The following CEP89 variants were observed in gnomAD, a reference collection of about 807,000 sequenced individuals.
CEP89 encodes centrosomal protein 89.
Under a neutral mutation model 97.6 loss-of-function variants are expected in CEP89, and 95 were observed. The observed-to-expected ratio is 0.97, with a 90% CI of 0.82 to 1.15. The LOEUF (loss-of-function observed/expected upper bound fraction) is 1.15. Ranked by LOEUF, CEP89 falls within the 50% of genes most tolerant of loss-of-function variation. The pLI is 0.00. For missense variants in CEP89, 869 were observed against 947.7 expected (o/e 0.92, Z 1.09); for synonymous variants, 354 against 349.1 (o/e 1.01, Z -0.16).
chr19:32,904,028 C>T (rs1969838088), intron 14 of CEP89, among the ~76,000 whole-genome samples: 1 of 152,156 alleles, frequency 6.6e-6, no homozygotes, highest in Non-Finnish European at 1.5e-5. Flanking sequence ...GGAGCAGTGG[C>T]ACATGCCTGT....
rs34626245 is a variant in CEP89 at position 32,881,908 on chromosome 19, G to A, written c.2071C>T (p.Arg691Trp). 98,014 of 1,604,792 alleles carry A rather than the reference G, an allele frequency of 0.061. 3,689 individuals are homozygous for A. Among genetic ancestry groups the A allele is most frequent in the South Asian group, 0.14 (12,878 of 89,748 alleles). ...GKTAQYRQEM[R>W]HLHQVLKDKQ... The stretch of plus-strand genomic sequence containing the variant: ...TCCTTCAGCACCTGGTGCAGGTGCC[G>A]CATCTCCTGCCGGTACTGGGCTGTC... Residue 691 changes from arginine (R) to tryptophan (W), a missense_variant, in exon 18 of 19, where the codon CGG becomes TGG. Physicochemically the swap from Arg to Trp is moderately radical, Grantham distance 101. Transcript: ENST00000305768.
chr19:32,915,292 C>T (rs193268182), intron 14 of CEP89, 45 bp downstream of exon 14: 15,787 of 1,494,566 alleles, frequency 0.011, 166 homozygotes, highest in Non-Finnish European at 0.012. Context: ...GACCCTGTCT[C>T]GAAAAAAGAA....
At chr19:32,913,305 ATT>A (rs869246232) in intron 14 of CEP89, among the ~76,000 whole-genome samples, 1,532 of 6,638 alleles carry the variant, frequency 0.23, 28 homozygotes, top group African/African-American at 0.43. Flanking sequence ...ATATATATAT[ATT>A]TTTTTGTTGT....
chr19:32,924,394 G>A (rs952888229), intron 11 of CEP89, among the ~76,000 whole-genome samples: 1 of 152,142 alleles, frequency 6.6e-6, no homozygotes, highest in African/African-American at 2.4e-5. Context: ...GAGGTCTGTC[G>A]CTGGGCCGGT....
chr19:32,905,430 T>A (rs568070611), intron 14 of CEP89, among the ~76,000 whole-genome samples: 1 of 152,294 alleles, frequency 6.6e-6, no homozygotes, highest in African/African-American at 2.4e-5. Context: ...AATTATTTCT[T>A]CCTTGAATAT....
At chr19:32,921,817 G>C (rs1385029110) in intron 12 of CEP89, among the ~76,000 whole-genome samples, 1 of 152,272 alleles carries the variant, frequency 6.6e-6, no homozygotes, top group East Asian at 1.9e-4. Context: ...GGAGCTGCCT[G>C]AGCCAGTCCC....
chr19:32,922,159 GATGGAGGCAGAT>G (rs1329563027), intron 12 of CEP89, among the ~76,000 whole-genome samples: 1 of 152,162 alleles, frequency 6.6e-6, no homozygotes, highest in Non-Finnish European at 1.5e-5. Context: ...CAAAGGAGAA[GATGGAGGCAGAT>G]GTGGAGGCAG....
intron 18 of CEP89, among the ~76,000 whole-genome samples, chr19:32,880,064 C>T (rs1204304472): frequency 6.6e-6 from 1 of 152,216 alleles, no homozygotes; most frequent in Non-Finnish European, 1.5e-5. Context: ...AACCAGGATG[C>T]AGTGCCCTGT....
chr19:32,961,437 G>A (rs1971165071), intron 2 of CEP89, among the ~76,000 whole-genome samples: 1 of 151,700 alleles, frequency 6.6e-6, no homozygotes, highest in Admixed American at 6.6e-5. Flanking sequence ...AAATTAGGTG[G>A]GCGTGGTGGC....
chr19:32,889,964 C>T (rs1969479004), intron 16 of CEP89, among the ~76,000 whole-genome samples: 1 of 152,080 alleles, frequency 6.6e-6, no homozygotes. Flanking sequence ...AGGGGCAGCG[C>T]TGGGCCAGAC....
chr19:32,879,234 G>T lies in CEP89; in HGVS notation c.2280C>A (p.Val760=). 1 of 1,614,210 alleles carries T rather than the reference G, an allele frequency of 6.2e-7. No homozygotes were observed. The highest frequency in any genetic ancestry group is 1.3e-5 in the African/African-American group (1 of 75,056). ...RALVAPSLNG[V]SQADLLDGCD... is the part of the protein sequence containing the mutation. ...AGCCGTCCAGCAGGTCTGCCTGAGA[G>T]ACGCCATTGAGGCTGGGGGCAACCA... Residue 760 remains valine, a synonymous_variant, in exon 19 of 19, where the codon GTC becomes GTA. Coordinates refer to ENST00000305768, the MANE Select transcript of CEP89 (RefSeq NM_032816.5).
At chr19:32,921,937 G>A (rs940862661) in intron 12 of CEP89, among the ~76,000 whole-genome samples, 3 of 152,176 alleles carry the variant, frequency 2.0e-5, no homozygotes, top group African/African-American at 7.2e-5. Context: ...ATTTTTTCCA[G>A]TGATGTTAAG....
chr19:32,948,860 G>A (rs1460473051), intron 4 of CEP89, among the ~76,000 whole-genome samples: 1 of 152,218 alleles, frequency 6.6e-6, no homozygotes, highest in East Asian at 1.9e-4. Flanking sequence ...GAGTAGCTGG[G>A]ACCACAGGCG....
chr19:32,933,850 G>A (rs921890877), intron 7 of CEP89, among the ~76,000 whole-genome samples, 181 bp from the exon 8 acceptor site: 2 of 152,212 alleles, frequency 1.3e-5, no homozygotes, highest in African/African-American at 2.4e-5. Flanking sequence ...CGGGTGGCAG[G>A]AAGAGAGGTA....
Position 32,879,217 on chromosome 19 carries a change from A to G in CEP89, c.2297T>C (p.Leu766Pro). ...SLNGVSQADL[L>P]DGCDVCSYDL... ...ATAGGAGCAGACATCGCAGCCGTCC[A>G]GCAGGTCTGCCTGAGAGACGCCATT... Residue 766 changes from leucine to proline, a missense_variant, in exon 19 of 19, where the codon CTG (leucine) becomes CCG (proline). Leu to Pro is a moderately conservative substitution (Grantham distance 98). Transcript: ENST00000305768. 1 of 1,614,170 alleles carries G rather than the reference A, an allele frequency of 6.2e-7. No homozygotes were observed. Among genetic ancestry groups the G allele is most frequent in the Non-Finnish European group, 8.5e-7 (1 of 1,180,012 alleles).
chr19:32,887,029 C>A lies in CEP89; in HGVS notation c.1965+723G>T, dbSNP rs866818042. Among the ~76,000 whole-genome samples the A allele has an allele frequency of 1.6e-3, 206 of 130,906 alleles. 1 individual carries two copies. The highest frequency in any genetic ancestry group is 5.1e-3 in the African/African-American group (184 of 36,006). 85.9% of individuals were successfully genotyped at this position (130,906 alleles called of 152,430 possible). On this transcript the variant is annotated intron_variant, in intron 17 of 18. Transcript: ENST00000305768. ...CATCTCTAAACAAAAAAAAAAAATA[C>A]AAAAAAAAAAAAATAGCCAGACACC...
At chr19:32,941,723 TC>T (rs763608103) in intron 5 of CEP89, among the ~76,000 whole-genome samples, 47 of 151,930 alleles carry the variant, frequency 3.1e-4, no homozygotes, top group Non-Finnish European at 4.4e-4. Flanking sequence ...AACCCTCCTT[TC>T]CCTACCACCT....
At position 32,922,855 on chromosome 19, in the gene CEP89, A is replaced by T. The variant is rs573137642; in HGVS notation, c.1268+584T>A. Among the ~76,000 whole-genome samples, 5 of 152,228 alleles carry T rather than the reference A, an allele frequency of 3.3e-5. No homozygotes were observed. In the East Asian group the frequency reaches 9.7e-4, roughly 29 times the overall value. ...ACAGCAAGACTCTGTCTCAAAAAAA[A>T]AAAAAGAAAAGAAACAGAGACAAGG... is the stretch of plus-strand genomic sequence containing the variant. On this transcript the variant is annotated intron_variant, in intron 12 of 18. Transcript: ENST00000305768.
chr19:32,915,986 G>A (rs930977962), intron 13 of CEP89, among the ~76,000 whole-genome samples: 14 of 149,982 alleles, frequency 9.3e-5, no homozygotes, highest in Non-Finnish European at 2.1e-4. Flanking sequence ...GTCCTTAGAA[G>A]TTACTGTCCA....
Sources: allele counts gnomAD v4.1 joint callset (sites outside exome capture counted in the v4.1 genomes callset), GRCh38; gene constraint gnomAD v4.1.1; transcripts MANE v1.5; gene names NCBI Gene and HGNC (gene_info 2026-07-23, HGNC 2026-07-21).